MECOM: variants seen among roughly 807,000 people sequenced by gnomAD.
MECOM encodes the protein MDS1 and EVI1 complex locus, also known as histone-lysine N-methyltransferase MECOM.
A neutral mutation model predicts 116.3 loss-of-function variants in MECOM; 13 were observed. The ratio of observed to expected loss-of-function variants is 0.11; its 90% CI spans 0.07 to 0.18. The LOEUF (loss-of-function observed/expected upper bound fraction) is 0.18, where lower values mean the gene tolerates loss of function less well. MECOM is among the 10% of genes least tolerant of loss of function. MECOM has a pLI of 1.00. For synonymous variants in MECOM, 528 were observed against 535.2 expected, an observed-to-expected ratio of 0.99 and a Z score of 0.19; for missense variants, 1,299 against 1,509.0, an observed-to-expected ratio of 0.86 and a Z score of 2.31.
intron 2 of MECOM, among the ~76,000 whole-genome samples, chr3:169,365,776 C>T (rs897143734): frequency 2.6e-5 from 4 of 151,938 alleles, no homozygotes; most frequent in African/African-American, 7.2e-5. Flanking sequence ...TAAGCCCCCA[C>T]CTGTGCAAGT....
intron 2 of MECOM, among the ~76,000 whole-genome samples, chr3:169,162,476 G>T (rs1469231222): frequency 1.3e-5 from 2 of 152,138 alleles, no homozygotes; most frequent in Non-Finnish European, 2.9e-5. Flanking sequence ...GATGGATAAA[G>T]GATGGCATGG....
chr3:169,539,328 G>T (rs934276329), intron 1 of MECOM, among the ~76,000 whole-genome samples: 1 of 151,996 alleles, frequency 6.6e-6, no homozygotes, highest in Non-Finnish European at 1.5e-5. Flanking sequence ...ATTCCTTTAG[G>T]CCTTCCCCAT....
intron 1 of MECOM, among the ~76,000 whole-genome samples, chr3:169,434,598 T>A (rs1387449636): frequency 6.6e-6 from 1 of 152,190 alleles, no homozygotes; most frequent in Non-Finnish European, 1.5e-5. Flanking sequence ...TTTATTTCTA[T>A]AGCAAGTGTC....
At chr3:169,659,440 ATTTTTTTTTTTTTTTTTT>A (rs56270349) in intron 1 of MECOM, among the ~76,000 whole-genome samples, 3 of 62,138 alleles carry the variant, frequency 4.8e-5, no homozygotes, top group African/African-American at 6.2e-5. Context: ...CTAAACACAG[ATTTTTTTTTTTTTTTTTT>A]TTTTTTTTTT....
intron 2 of MECOM, among the ~76,000 whole-genome samples, chr3:169,230,482 T>C (rs1209330026): frequency 6.6e-6 from 1 of 152,164 alleles, no homozygotes; most frequent in Non-Finnish European, 1.5e-5. Flanking sequence ...AAGATACCAG[T>C]TCATTATGAC....
At chr3:169,086,543 AC>A (rs1251397695) in intron 16 of MECOM, 7 of 701,462 alleles carry the variant, frequency 1.0e-5, no homozygotes, top group Non-Finnish European at 1.8e-5. Context: ...AAGTTGCTTA[AC>A]CTTTTAAGCT....
At chr3:169,542,230 A>G (rs1169739922) in intron 1 of MECOM, among the ~76,000 whole-genome samples, 1 of 152,158 alleles carries the variant, frequency 6.6e-6, no homozygotes, top group Non-Finnish European at 1.5e-5. Context: ...CTAAAGTACT[A>G]TAACTGGCTG....
At chr3:169,628,260 G>C (rs1420903043) in intron 1 of MECOM, among the ~76,000 whole-genome samples, 1 of 152,132 alleles carries the variant, frequency 6.6e-6, no homozygotes, top group African/African-American at 2.4e-5. Flanking sequence ...CATTAAAGAG[G>C]TTCTAAATGC....
At chr3:169,126,791 T>C (rs1733021761) in intron 5 of MECOM, among the ~76,000 whole-genome samples, 1 of 151,700 alleles carries the variant, frequency 6.6e-6, no homozygotes, top group Non-Finnish European at 1.5e-5. Flanking sequence ...GAAGAGGATA[T>C]AGGGCTAAAC....
At chr3:169,302,813 G>A (rs1215230360) in intron 2 of MECOM, among the ~76,000 whole-genome samples, 6 of 151,810 alleles carry the variant, frequency 4.0e-5, no homozygotes, top group African/African-American at 1.5e-4. Flanking sequence ...GCAATGAGCC[G>A]AGATTGTACC....
At chr3:169,115,345 C>A in intron 8 of MECOM, 38 bp downstream of exon 8, 2 of 1,587,604 alleles carry the variant, frequency 1.3e-6, no homozygotes, top group South Asian at 2.3e-5. Flanking sequence ...GCCTTTCATA[C>A]ATCTGCTCAT....
At chr3:169,112,149 A>G in intron 9 of MECOM, among the ~76,000 whole-genome samples, 1 of 152,178 alleles carries the variant, frequency 6.6e-6, no homozygotes, top group East Asian at 1.9e-4. Flanking sequence ...TTTTAAAATT[A>G]CTAAATGTAT....
At chr3:169,128,379 T>G (rs986208414) in intron 4 of MECOM, among the ~76,000 whole-genome samples, 1 of 152,202 alleles carries the variant, frequency 6.6e-6, no homozygotes, top group Non-Finnish European at 1.5e-5. Context: ...ACCCTGTATG[T>G]GGATTACTGA....
At chr3:169,270,690 A>G (rs1473506875) in intron 2 of MECOM, among the ~76,000 whole-genome samples, 1 of 152,168 alleles carries the variant, frequency 6.6e-6, no homozygotes, top group Admixed American at 6.6e-5. Context: ...TGTTGTTGTC[A>G]TGGTGGTGTT....
intron 2 of MECOM, chr3:169,146,438 G>A: frequency 2.2e-6 from 3 of 1,389,784 alleles, no homozygotes; most frequent in South Asian, 1.1e-5. Flanking sequence ...GGAGAAGAGC[G>A]CAAGGAAAAG....
At chr3:169,239,138 G>A (rs1004839228) in intron 2 of MECOM, among the ~76,000 whole-genome samples, 4 of 152,034 alleles carry the variant, frequency 2.6e-5, no homozygotes. Flanking sequence ...ATTTTCTGAC[G>A]TCCTCAAGCA....
At chr3:169,568,067 G>T (rs1763444841) in intron 1 of MECOM, among the ~76,000 whole-genome samples, 1 of 152,296 alleles carries the variant, frequency 6.6e-6, no homozygotes, top group African/African-American at 2.4e-5. Flanking sequence ...AGCCCACGGA[G>T]GGTGAGCAGA....
intron 2 of MECOM, among the ~76,000 whole-genome samples, chr3:169,188,960 A>T (rs1259477158): frequency 1.3e-5 from 2 of 152,044 alleles, no homozygotes; most frequent in Admixed American, 6.6e-5. Context: ...TTAAAGGCCC[A>T]CTCAGTTATG....
At chr3:169,119,873 C>A (rs1024204650) in intron 7 of MECOM, among the ~76,000 whole-genome samples, 1 of 151,926 alleles carries the variant, frequency 6.6e-6, no homozygotes, top group African/African-American at 2.4e-5. Context: ...CCTCTTCACC[C>A]GGGGAACAGA....
Sources: gnomAD v4.1 joint callset for allele counts (sites outside exome capture counted in the v4.1 genomes callset) on GRCh38, gnomAD v4.1.1 for gene constraint, MANE v1.5 for transcripts, NCBI Gene and HGNC (gene_info 2026-07-23, HGNC 2026-07-21) for gene names.